The following LRFN5 variants were observed in gnomAD, a reference collection of about 807,000 sequenced individuals.
The protein encoded by LRFN5 is leucine-rich repeat and fibronectin type-III domain-containing protein 5.
Under a neutral mutation model 45.6 loss-of-function variants are expected in LRFN5, and 24 were observed. That is an observed-to-expected ratio of 0.53 (90% CI 0.38 to 0.74). The LOEUF is 0.74. Among genes scored for constraint, LRFN5 ranks in the 30% least tolerant of loss-of-function variants. LRFN5 has a pLI of 0.00. For synonymous variants in LRFN5, 340 were observed against 313.8 expected, an observed-to-expected ratio of 1.08 and a Z score of -0.88; for missense variants, 776 against 861.5, an observed-to-expected ratio of 0.90 and a Z score of 1.24.
At chr14:41,756,220 T>C (rs973164513) in intron 1 of LRFN5, among the ~76,000 whole-genome samples, 4 of 152,196 alleles carry the variant, frequency 2.6e-5, no homozygotes, top group Admixed American at 2.6e-4. Context: ...ATTTCAACTT[T>C]AGTGAATCTG....
chr14:41,702,556 G>A (rs1882881594), intron 1 of LRFN5, among the ~76,000 whole-genome samples: 1 of 152,020 alleles, frequency 6.6e-6, no homozygotes, highest in South Asian at 2.1e-4. Context: ...TCAAACTCCT[G>A]GGTTTCAGGG....
intron 1 of LRFN5, among the ~76,000 whole-genome samples, chr14:41,665,358 G>A (rs995461654): frequency 4.6e-5 from 7 of 151,922 alleles, no homozygotes; most frequent in African/African-American, 1.4e-4. Context: ...ACAAATGAGG[G>A]ATGAGAGGTA....
intron 1 of LRFN5, among the ~76,000 whole-genome samples, chr14:41,637,316 A>G (rs899009627): frequency 6.6e-6 from 1 of 152,116 alleles, no homozygotes; most frequent in African/African-American, 2.4e-5. Context: ...CATGGTTTTC[A>G]GCTTGGTATG....
chr14:41,796,670 A>G (rs1447977465), intron 2 of LRFN5, among the ~76,000 whole-genome samples: 3 of 152,068 alleles, frequency 2.0e-5, no homozygotes, highest in Middle Eastern at 3.4e-3. Flanking sequence ...ATCAATGTAT[A>G]TTAATTCTAT....
At chr14:41,716,087 A>G (rs949025797) in intron 1 of LRFN5, among the ~76,000 whole-genome samples, 3 of 152,016 alleles carry the variant, frequency 2.0e-5, no homozygotes, top group African/African-American at 7.2e-5. Flanking sequence ...CTCTACCACA[A>G]CTGGAGCAGC....
chr14:41,661,539 A>G (rs909015674), intron 1 of LRFN5, among the ~76,000 whole-genome samples: 35 of 152,240 alleles, frequency 2.3e-4, no homozygotes, highest in African/African-American at 8.2e-4. Flanking sequence ...GGGCCAAGTA[A>G]CTAAGAGTAA....
chr14:41,828,367 G>T (rs1295088576), intron 2 of LRFN5, among the ~76,000 whole-genome samples: 3 of 151,980 alleles, frequency 2.0e-5, no homozygotes, highest in Non-Finnish European at 4.4e-5. Flanking sequence ...AGATTAGCTA[G>T]AGAGGGTAGT....
rs1387758128 is a variant in LRFN5 at position 41,768,290 on chromosome 14, G to A, written c.-21+1261G>A. On this transcript the variant is annotated intron_variant, in intron 2 of 5. Transcript: ENST00000298119. ...TGTTGTTGCTAGTATGCTCAAGGTGGTGTAGAAGGACTACTTTTAAGACAT... is the reference window on the plus strand; with the variant it reads ...TGTTGTTGCTAGTATGCTCAAGGTGATGTAGAAGGACTACTTTTAAGACAT... 3.3e-5 allele frequency among the ~76,000 whole-genome samples: 5 copies of A among 152,228 alleles called. No homozygotes were observed. In the East Asian group the frequency reaches 9.7e-4, roughly 29 times the overall value.
At chr14:41,843,422 G>C (rs1888936785) in intron 2 of LRFN5, among the ~76,000 whole-genome samples, 1 of 151,944 alleles carries the variant, frequency 6.6e-6, no homozygotes, top group South Asian at 2.1e-4. Context: ...AACTTTAACT[G>C]TGATAAAATT....
intron 1 of LRFN5, among the ~76,000 whole-genome samples, chr14:41,750,319 G>A: frequency 6.8e-6 from 1 of 147,194 alleles, no homozygotes; most frequent in Non-Finnish European, 1.5e-5. Context: ...ATGTATATAA[G>A]ATTTCATGTA....
chr14:41,702,752 A>G (rs2138727901), intron 1 of LRFN5, among the ~76,000 whole-genome samples: 1 of 152,026 alleles, frequency 6.6e-6, no homozygotes, highest in Admixed American at 6.6e-5. Context: ...GACATGAGCC[A>G]CTAAACCCAG....
intron 1 of LRFN5, chr14:41,742,683 A>T (rs1173615072): frequency 1.1e-5 from 1 of 95,144 alleles, no homozygotes; most frequent in East Asian, 4.1e-4. Flanking sequence ...GACATTCACC[A>T]ACAAGAGCCA....
At chr14:41,882,056 A>G (rs891686002) in intron 2 of LRFN5, among the ~76,000 whole-genome samples, 3 of 151,996 alleles carry the variant, frequency 2.0e-5, no homozygotes, top group African/African-American at 4.8e-5. Context: ...GGAATTTCCT[A>G]TTTAGTAAGA....
chr14:41,831,582 A>C (rs1389097143), intron 2 of LRFN5, among the ~76,000 whole-genome samples: 14 of 152,184 alleles, frequency 9.2e-5, no homozygotes, highest in Admixed American at 9.2e-4. Context: ...GGTACATGCT[A>C]GTTAGAGTAA....
intron 4 of LRFN5, among the ~76,000 whole-genome samples, chr14:41,895,913 T>C (rs1418263956): frequency 6.6e-6 from 1 of 152,086 alleles, no homozygotes; most frequent in East Asian, 1.9e-4. Context: ...TTATAAACAA[T>C]TAAAAAACAT....
chr14:41,788,910 G>A lies in LRFN5; in HGVS notation c.-21+21881G>A, dbSNP rs184086924. On this transcript the variant is annotated intron_variant, in intron 2 of 5. Coordinates refer to ENST00000298119, the MANE Select transcript of LRFN5 (RefSeq NM_152447.5). ...TGTTTGTTTTTCTTGTGTGAAAGTG[G>A]AATTACAGAAGTCTGTTCCAACTAA... Among the ~76,000 whole-genome samples, 1,289 of 152,046 alleles carry A rather than the reference G, an allele frequency of 8.5e-3. 9 individuals are homozygous for A. The highest frequency in any genetic ancestry group is 0.014 in the Non-Finnish European group (940 of 67,914).
chr14:41,609,376 T>A (rs1291142321), intron 1 of LRFN5, among the ~76,000 whole-genome samples: 1 of 152,074 alleles, frequency 6.6e-6, no homozygotes, highest in Non-Finnish European at 1.5e-5. Context: ...ATTTTGAATT[T>A]TTTTTTTCCG....
At chr14:41,704,448 C>CTCTCTCTCTCTGTGTGTGTGTGTGTGTG (rs200253065) in intron 1 of LRFN5, among the ~76,000 whole-genome samples, 3 of 124,300 alleles carry the variant, frequency 2.4e-5, no homozygotes, top group African/African-American at 1.2e-4. Context: ...CTCTCTCTCT[C>CTCTCTCTCTCTGTGTGTGTGTGTGTGTG]TGTGTGTGTG....
At chr14:41,844,354 G>T (rs1449939888) in intron 2 of LRFN5, among the ~76,000 whole-genome samples, 2 of 151,106 alleles carry the variant, frequency 1.3e-5, no homozygotes, top group East Asian at 3.9e-4. Context: ...GGAGAATGGC[G>T]TGAACCCAGG....
Sources: allele counts gnomAD v4.1 joint callset (sites outside exome capture counted in the v4.1 genomes callset), GRCh38; gene constraint gnomAD v4.1.1; transcripts MANE v1.5; gene names NCBI Gene and HGNC (gene_info 2026-07-23, HGNC 2026-07-21).